ZFC3H1: variants seen among roughly 807,000 people sequenced by gnomAD.
The protein encoded by ZFC3H1 is zinc finger C3H1 domain-containing protein.
A neutral mutation model predicts 243.7 loss-of-function variants in ZFC3H1; 71 were observed. The observed-to-expected ratio is 0.29, with a 90% confidence interval of 0.24 to 0.36. The LOEUF is 0.36. Among genes scored for constraint, ZFC3H1 ranks in the 10% least tolerant of loss-of-function variants. ZFC3H1 has a pLI of 1.00. For missense variants in ZFC3H1, 1,966 were observed against 2,317.1 expected, an observed-to-expected ratio of 0.85 and a Z score of 3.11; for synonymous variants, 838 against 813.0, an observed-to-expected ratio of 1.03 and a Z score of -0.52.
intron 9 of ZFC3H1, 58 bp downstream of exon 9, chr12:71,636,432 T>A (rs1448974285): frequency 7.2e-6 from 11 of 1,524,574 alleles, no homozygotes; most frequent in Admixed American, 6.1e-5. Flanking sequence ...ACAGCTAAAC[T>A]TCATAGAAAT....
Position 71,663,480 on chromosome 12 carries a change from C to T in ZFC3H1, c.131G>A (p.Ser44Asn). ...ATAGGGTAACAGCCCGCCGCCGCTGCTGCTGCTGCTGCTCCGACTCCGTAT... is the reference window on the plus strand; with the variant it reads ...ATAGGGTAACAGCCCGCCGCCGCTGTTGCTGCTGCTGCTCCGACTCCGTAT... ...SQIRSRSSSSSSGGGLLPYPR... is the reference protein window; with the variant it reads ...SQIRSRSSSSNSGGGLLPYPR... The change falls in exon 1 of 35, where the codon AGC (serine) becomes AAC (asparagine). Residue 44 changes from serine (S) to asparagine (N), a missense_variant. This residue lies in a region of ZFC3H1 where 484 missense variants were observed against 449.7 expected (regional missense o/e 1.08). Coordinates refer to ENST00000378743, the MANE Select transcript of ZFC3H1 (RefSeq NM_144982.5). The T allele has an allele frequency of 1.2e-6, 2 of 1,612,994 alleles. No homozygotes were observed. The highest frequency in any genetic ancestry group is 1.7e-6 in the Non-Finnish European group (2 of 1,180,008).
rs1880344687 is a variant in ZFC3H1 at position 71,632,370 on chromosome 12, C to A, written c.2962G>T (p.Ala988Ser). The change falls in exon 15 of 35, where the codon GCC becomes TCC. Residue 988 changes from alanine (A) to serine (S), a missense_variant. Ala to Ser is a moderately conservative substitution (Grantham distance 99). This residue lies in a region of ZFC3H1 where 1,383 missense variants were observed against 1,723.7 expected (regional missense o/e 0.80). Transcript: ENST00000378743. Reference protein sequence around the residue: ...LKIQKLKEARALKAKEQQNIS... With the variant: ...LKIQKLKEARSLKAKEQQNIS... ...TTTTGTTGTTCCTTTGCTTTAAGGG[C>A]ACGGGCTTCTTTTAATTTTTGAATT... The A allele has an allele frequency of 4.3e-6, 7 of 1,613,566 alleles. No individual in the cohort carries two copies. In the East Asian group the frequency reaches 1.6e-4, roughly 36 times the overall value.
chr12:71,619,231 CATCAT>C (rs988901923), intron 27 of ZFC3H1, 79 bp downstream of exon 27: 11 of 1,247,262 alleles, frequency 8.8e-6, no homozygotes, highest in Non-Finnish European at 1.2e-5. Flanking sequence ...TCTAAAATGT[CATCAT>C]ATAAGAAAAA....
At chr12:71,638,227 TA>T (rs1880513612) in intron 7 of ZFC3H1, among the ~76,000 whole-genome samples, 190 bp downstream of exon 7, 1 of 152,144 alleles carries the variant, frequency 6.6e-6, no homozygotes, top group Non-Finnish European at 1.5e-5. Flanking sequence ...AAAAATTAGC[TA>T]TGAAAAAAAT....
At chr12:71,627,224 A>G (rs1233869729) in intron 21 of ZFC3H1, among the ~76,000 whole-genome samples, 1 of 152,158 alleles carries the variant, frequency 6.6e-6, no homozygotes, top group South Asian at 2.1e-4. Flanking sequence ...AGAAGATGCC[A>G]TTTGCAATAC....
intron 24 of ZFC3H1, among the ~76,000 whole-genome samples, chr12:71,622,623 C>T (rs923112421): frequency 3.9e-4 from 60 of 151,968 alleles, no homozygotes; most frequent in African/African-American, 1.3e-3. Context: ...TCACCACGCC[C>T]GGCTAAATTT....
chr12:71,634,937 A>T, intron 10 of ZFC3H1, 112 bp from the exon 11 acceptor site: 1 of 1,214,780 alleles, frequency 8.2e-7, no homozygotes, highest in Non-Finnish European at 1.1e-6. Flanking sequence ...ATTTAGAAAT[A>T]CCTGAATGTC....
chr12:71,660,712 T>C (rs995816035), intron 1 of ZFC3H1, among the ~76,000 whole-genome samples: 1 of 152,128 alleles, frequency 6.6e-6, no homozygotes, highest in African/African-American at 2.4e-5. Flanking sequence ...TGAGCTCCCA[T>C]AGTACTTTTT....
At chr12:71,626,236 A>ACACG in intron 22 of ZFC3H1, 24 bp downstream of exon 22, 1 of 1,609,664 alleles carries the variant, frequency 6.2e-7, no homozygotes, top group East Asian at 2.2e-5. Context: ...ACACACACAC[A>ACACG]CGTACGTTAT....
intron 1 of ZFC3H1, among the ~76,000 whole-genome samples, chr12:71,660,680 T>C (rs376801171): frequency 6.6e-5 from 10 of 152,218 alleles, no homozygotes; most frequent in Admixed American, 2.6e-4. Context: ...TAATACAGAA[T>C]AAAAATTTTA....
At chr12:71,635,069 C>A (rs910611105) in intron 10 of ZFC3H1, among the ~76,000 whole-genome samples, 1 of 152,024 alleles carries the variant, frequency 6.6e-6, no homozygotes, top group Non-Finnish European at 1.5e-5. Flanking sequence ...TAAACAACTA[C>A]TGAAATAGGG....
intron 19 of ZFC3H1, among the ~76,000 whole-genome samples, 174 bp downstream of exon 19, chr12:71,629,435 G>A (rs1048166487): frequency 6.6e-6 from 1 of 151,896 alleles, no homozygotes; most frequent in South Asian, 2.1e-4. Context: ...CCAAAGTGCT[G>A]GGATTACAGG....
Position 71,627,779 on chromosome 12 carries a change from C to T in ZFC3H1, c.4102G>A (p.Ala1368Thr). The T allele has an allele frequency of 6.2e-7, 1 of 1,613,080 alleles. No homozygotes were observed. Among genetic ancestry groups the T allele is most frequent in the Non-Finnish European group, 8.5e-7 (1 of 1,179,620 alleles). ...PSHVQLWLKL[A>T]YKYLNQNEGE... The stretch of plus-strand genomic sequence containing the variant: ...TCATTTTGATTCAAGTACTTGTACG[C>T]AAGCTTGAGCCAAAGTTGTACATGA... The change falls in exon 21 of 35, where the codon GCG becomes ACG. Residue 1368 changes from alanine (A) to threonine (T), a missense_variant. Ala to Thr is a moderately conservative substitution (Grantham distance 58). Around this residue, in one of 4 missense-constraint regions of ZFC3H1, gnomAD observed 1,383 missense variants for 1,723.7 expected, o/e 0.80. Coordinates refer to ENST00000378743, the MANE Select transcript of ZFC3H1 (RefSeq NM_144982.5).
At chr12:71,643,350 T>C (rs1189406847) in intron 5 of ZFC3H1, among the ~76,000 whole-genome samples, 2 of 151,596 alleles carry the variant, frequency 1.3e-5, no homozygotes, top group South Asian at 2.1e-4. Flanking sequence ...GAGGTGGAGG[T>C]TGCAGTGAGC....
chr12:71,643,486 A>C (rs959008381), intron 5 of ZFC3H1, among the ~76,000 whole-genome samples: 1 of 152,018 alleles, frequency 6.6e-6, no homozygotes, highest in South Asian at 2.1e-4. Flanking sequence ...CCAATTAACG[A>C]ATTTACTCTT....
chr12:71,621,602 G>A (rs74236526), intron 24 of ZFC3H1, among the ~76,000 whole-genome samples: 26,751 of 151,826 alleles, frequency 0.18, 2,632 homozygotes, highest in East Asian at 0.38. Flanking sequence ...CACCACGCAC[G>A]GCCAAGGTCC....
At chr12:71,650,549 A>G (rs567168622) in intron 2 of ZFC3H1, among the ~76,000 whole-genome samples, 1 of 152,348 alleles carries the variant, frequency 6.6e-6, no homozygotes, top group East Asian at 1.9e-4. Context: ...AGTTAAAACC[A>G]TAATAATGAG....
At chr12:71,623,135 G>C (rs139112864) in intron 24 of ZFC3H1, among the ~76,000 whole-genome samples, 1 of 151,940 alleles carries the variant, frequency 6.6e-6, no homozygotes, top group Non-Finnish European at 1.5e-5. Context: ...CAATCAGAAA[G>C]ATAAACAATG....
At chr12:71,641,938 C>A (rs1176413548) in intron 6 of ZFC3H1, among the ~76,000 whole-genome samples, 3 of 152,136 alleles carry the variant, frequency 2.0e-5, no homozygotes, top group African/African-American at 4.8e-5. Flanking sequence ...CAACCTCCAC[C>A]TTCCAGGTTC....
Sources: gnomAD v4.1 joint callset for allele counts (sites outside exome capture counted in the v4.1 genomes callset) on GRCh38, gnomAD v4.1.1 for gene constraint, gnomAD v4.1.1 regional missense constraint, MANE v1.5 for transcripts, NCBI Gene and HGNC (gene_info 2026-07-23, HGNC 2026-07-21) for gene names.